ABCC11: variants seen among roughly 807,000 people sequenced by gnomAD.
The protein encoded by ABCC11 is ATP-binding cassette sub-family C member 11.
Under a neutral mutation model 149.3 loss-of-function variants are expected in ABCC11, and 135 were observed. The observed-to-expected ratio is 0.90, with a 90% confidence interval of 0.79 to 1.04. The LOEUF is 1.04. Ranked by LOEUF, ABCC11 falls within the 50% of genes least tolerant of loss-of-function variation. The pLI, the probability that ABCC11 is intolerant of heterozygous loss-of-function variation, is 0.00. For synonymous variants in ABCC11, 665 were observed against 671.4 expected (o/e 0.99, Z 0.15); for missense variants, 1,680 against 1,722.1 (o/e 0.98, Z 0.43).
intron 2 of ABCC11, 108 bp from the exon 3 acceptor site, chr16:48,230,681 T>C: frequency 1.6e-6 from 2 of 1,252,858 alleles, no homozygotes; most frequent in Non-Finnish European, 2.1e-6. Flanking sequence ...CATATCCTGC[T>C]TCCTAAAGAA....
intron 22 of ABCC11, among the ~76,000 whole-genome samples, chr16:48,186,577 A>G (rs1966757693): frequency 6.6e-6 from 1 of 152,242 alleles, no homozygotes; most frequent in Non-Finnish European, 1.5e-5. Flanking sequence ...TCTATTATTT[A>G]GAAAGCTATT....
chr16:48,215,546 TAGAC>T (rs1213272543), intron 7 of ABCC11, among the ~76,000 whole-genome samples: 2 of 152,226 alleles, frequency 1.3e-5, no homozygotes, highest in Non-Finnish European at 2.9e-5. Context: ...TATGGCTACT[TAGAC>T]AGAAACTAAA....
chr16:48,215,423 TA>T (rs1468442105), intron 7 of ABCC11, 79 bp from the exon 8 acceptor site: 2 of 1,496,042 alleles, frequency 1.3e-6, no homozygotes, highest in Non-Finnish European at 1.8e-6. Flanking sequence ...CAGCCTGGCA[TA>T]AGTAGGGCAA....
intron 14 of ABCC11, among the ~76,000 whole-genome samples, chr16:48,201,446 A>G (rs1967961374): frequency 6.6e-6 from 1 of 150,410 alleles, no homozygotes; most frequent in Non-Finnish European, 1.5e-5. Flanking sequence ...CACTTAGCCA[A>G]TGTTTTTAAA....
At chr16:48,199,039 A>AT (rs1596738787) in intron 15 of ABCC11, among the ~76,000 whole-genome samples, 3 of 146,266 alleles carry the variant, frequency 2.1e-5, no homozygotes, top group South Asian at 2.2e-4. Flanking sequence ...GTCTCAAAAA[A>AT]ATATATATAT....
intron 6 of ABCC11, among the ~76,000 whole-genome samples, chr16:48,218,986 G>A (rs1411959002): frequency 2.0e-5 from 3 of 152,120 alleles, no homozygotes; most frequent in East Asian, 1.9e-4. Flanking sequence ...GCAACACAAA[G>A]ATGTAGTATC....
intron 1 of ABCC11, chr16:48,244,598 G>T: frequency 6.7e-7 from 1 of 1,483,466 alleles, no homozygotes; most frequent in African/African-American, 1.5e-5. Flanking sequence ...CCAGCGACGC[G>T]CAGGACCTGC....
chr16:48,172,385 T>A (rs1011086868), intron 26 of ABCC11, among the ~76,000 whole-genome samples: 3 of 152,126 alleles, frequency 2.0e-5, no homozygotes, highest in African/African-American at 7.2e-5. Context: ...GATATATAAC[T>A]AGAAGTGAAA....
chr16:48,245,413 T>C (rs990948980), intron 1 of ABCC11, among the ~76,000 whole-genome samples: 1 of 152,224 alleles, frequency 6.6e-6, no homozygotes, highest in African/African-American at 2.4e-5. Context: ...AGCATCCATC[T>C]CTTAGGCAAG....
intron 1 of ABCC11, among the ~76,000 whole-genome samples, chr16:48,238,500 A>C (rs951916919): frequency 2.0e-5 from 3 of 152,196 alleles, no homozygotes; most frequent in Non-Finnish European, 4.4e-5. Flanking sequence ...TTCTGAAAGC[A>C]CTGCTGGACT....
chr16:48,214,249 C>T (rs767227489), intron 9 of ABCC11, among the ~76,000 whole-genome samples: 1 of 151,962 alleles, frequency 6.6e-6, no homozygotes, highest in Admixed American at 6.6e-5. Flanking sequence ...CCTTCTATAG[C>T]GCCCCCAACA....
At chr16:48,221,916 C>CT (rs747175603) in intron 6 of ABCC11, among the ~76,000 whole-genome samples, 1,764 of 140,814 alleles carry the variant, frequency 0.013, 20 homozygotes, top group African/African-American at 0.024. Context: ...TAATTTTTGT[C>CT]TTTTTTTTTT....
chr16:48,208,059 C>A (rs1362476683), intron 12 of ABCC11, among the ~76,000 whole-genome samples: 1 of 151,900 alleles, frequency 6.6e-6, no homozygotes, highest in East Asian at 1.9e-4. Flanking sequence ...TTTATAGGGA[C>A]CATTGCAAGA....
At chr16:48,204,624 G>C (rs1461100191) in intron 13 of ABCC11, among the ~76,000 whole-genome samples, 1 of 152,154 alleles carries the variant, frequency 6.6e-6, no homozygotes, top group East Asian at 1.9e-4. Flanking sequence ...TCATGAGTTG[G>C]TATTGGACAT....
At chr16:48,188,165 C>T (rs538597777) in intron 20 of ABCC11, among the ~76,000 whole-genome samples, 5 of 152,188 alleles carry the variant, frequency 3.3e-5, no homozygotes, top group South Asian at 2.1e-4. Flanking sequence ...AGCACACTGC[C>T]TACGGGGTAG....
intron 19 of ABCC11, among the ~76,000 whole-genome samples, chr16:48,193,053 A>G (rs185640277): frequency 3.3e-5 from 5 of 152,288 alleles, no homozygotes; most frequent in Admixed American, 6.5e-5. Context: ...AGGCACCCAC[A>G]GGGAAACAGA....
chr16:48,226,072 CATT>C (rs141311389), intron 4 of ABCC11, among the ~76,000 whole-genome samples: 6 of 150,174 alleles, frequency 4.0e-5, no homozygotes, highest in Admixed American at 6.6e-5. Flanking sequence ...TTTCCAGGTA[CATT>C]ATTATTATTA....
intron 3 of ABCC11, among the ~76,000 whole-genome samples, chr16:48,229,420 C>G (rs1246443408): frequency 6.8e-6 from 1 of 148,144 alleles, no homozygotes; most frequent in East Asian, 2.0e-4. Flanking sequence ...TGTTGGAAAT[C>G]AACTTGGTTA....
chr16:48,194,024 G>A (rs1396128034), intron 18 of ABCC11, 42 bp from the exon 19 acceptor site: 1 of 1,473,320 alleles, frequency 6.8e-7, no homozygotes, highest in African/African-American at 1.4e-5. Context: ...CCACAAACAG[G>A]TGCGAGGCAA....
Sources: gnomAD v4.1 joint callset for allele counts (sites outside exome capture counted in the v4.1 genomes callset) on GRCh38, gnomAD v4.1.1 for gene constraint, MANE v1.5 for transcripts, NCBI Gene and HGNC (gene_info 2026-07-23, HGNC 2026-07-21) for gene names.